The following GABRG3 variants were observed in gnomAD, a reference collection of about 807,000 sequenced individuals.
GABRG3 encodes gamma-aminobutyric acid type A receptor subunit gamma3, also known as gamma-aminobutyric acid receptor subunit gamma-3.
A neutral mutation model predicts 48.8 loss-of-function variants in GABRG3; 25 were observed. The observed-to-expected ratio is 0.51, with a 90% CI of 0.37 to 0.72. The LOEUF (loss-of-function observed/expected upper bound fraction) is 0.72. Among genes scored for constraint, GABRG3 ranks in the 30% least tolerant of loss-of-function variants. The pLI is 0.00. For missense variants in GABRG3, 394 were observed against 577.9 expected (o/e 0.68, Z 3.26); for synonymous variants, 227 against 217.6 (o/e 1.04, Z -0.38).
chr15:26,999,092 G>A (rs1407859838), intron 2 of GABRG3, among the ~76,000 whole-genome samples: 9 of 148,990 alleles, frequency 6.0e-5, no homozygotes, highest in Non-Finnish European at 7.4e-5. Context: ...CATGGGTTCT[G>A]CATCCATGGA....
intron 3 of GABRG3, among the ~76,000 whole-genome samples, chr15:27,200,263 T>G (rs555285378): frequency 6.6e-6 from 1 of 152,322 alleles, no homozygotes; most frequent in South Asian, 2.1e-4. Flanking sequence ...TTAGTTTATG[T>G]GGGGGCAGGC....
At chr15:27,330,417 T>G (rs1893765168) in intron 5 of GABRG3, among the ~76,000 whole-genome samples, 1 of 152,230 alleles carries the variant, frequency 6.6e-6, no homozygotes, top group African/African-American at 2.4e-5. Flanking sequence ...TCCTCGCAAG[T>G]GTGCGGCCCG....
rs757108321 is a variant in GABRG3, at chr15:27,026,786, G to A, written c.235G>A (p.Val79Ile). ...KPTVIDVDIY[V>I]NSIGPVSSIN... Reference sequence around the variant, plus strand: ...GACCGTAATTGACGTTGACATTTATGTTAACAGCATTGGTCCTGTGTCATC... The same window carrying A: ...GACCGTAATTGACGTTGACATTTATATTAACAGCATTGGTCCTGTGTCATC... The change falls in exon 3 of 10, where the codon GTT (valine) becomes ATT (isoleucine). Residue 79 changes from valine (V) to isoleucine (I), a missense_variant. Transcript: ENST00000615808. 6.2e-7 allele frequency: 1 copy of A among 1,611,684 alleles called. No individual in the cohort carries two copies. Among genetic ancestry groups the A allele is most frequent in the Non-Finnish European group, 8.5e-7 (1 of 1,179,274 alleles).
At chr15:27,416,965 C>G (rs1887957435) in intron 5 of GABRG3, among the ~76,000 whole-genome samples, 1 of 152,158 alleles carries the variant, frequency 6.6e-6, no homozygotes, top group African/African-American at 2.4e-5. Flanking sequence ...TTGGAAATGA[C>G]TTAAATGTTC....
chr15:27,509,014 C>T (rs540725732), intron 6 of GABRG3, among the ~76,000 whole-genome samples: 18 of 152,164 alleles, frequency 1.2e-4, no homozygotes, highest in South Asian at 4.2e-4. Context: ...CCACCGTGCC[C>T]GGCTGAATTC....
chr15:27,093,520 C>T (rs906577967), intron 3 of GABRG3, among the ~76,000 whole-genome samples: 1 of 152,106 alleles, frequency 6.6e-6, no homozygotes, highest in Non-Finnish European at 1.5e-5. Context: ...TACACAAGGC[C>T]CAGTCCTGAG....
intron 3 of GABRG3, among the ~76,000 whole-genome samples, chr15:27,049,634 T>C (rs1896423032): frequency 6.6e-6 from 1 of 152,210 alleles, no homozygotes; most frequent in Non-Finnish European, 1.5e-5. Flanking sequence ...ATTTCCCTTA[T>C]TTGAAGAGCA....
chr15:27,413,829 A>G (rs1887868110), intron 5 of GABRG3, among the ~76,000 whole-genome samples: 1 of 152,210 alleles, frequency 6.6e-6, no homozygotes, highest in Non-Finnish European at 1.5e-5. Flanking sequence ...GAAAGAAGGA[A>G]TGAGATACCA....
Position 27,442,438 on chromosome 15 carries a change from G to A in GABRG3, c.575-38212G>A, listed in dbSNP as rs549390242. On this transcript the variant is annotated intron_variant, in intron 5 of 9. Transcript: ENST00000615808. ...AGAATACACTCCTGTGCACATGTCC[G>A]CCTTATAGCACACACAGATGTGTGC... Among the ~76,000 whole-genome samples the A allele has an allele frequency of 5.6e-4, 85 of 152,238 alleles. 1 individual carries two copies. The highest frequency in any genetic ancestry group is 1.7e-3 in the African/African-American group (72 of 41,530).
At chr15:27,309,089 A>G (rs540614741) in intron 3 of GABRG3, among the ~76,000 whole-genome samples, 26 of 151,400 alleles carry the variant, frequency 1.7e-4, no homozygotes, top group Non-Finnish European at 3.1e-4. Context: ...ATATAGAAAT[A>G]TAATGTAAAC....
At chr15:26,992,044 C>G (rs1895259386) in intron 2 of GABRG3, among the ~76,000 whole-genome samples, 1 of 152,124 alleles carries the variant, frequency 6.6e-6, no homozygotes, top group African/African-American at 2.4e-5. Flanking sequence ...ATATTGTTCA[C>G]TTGGCATATA....
intron 3 of GABRG3, among the ~76,000 whole-genome samples, chr15:27,097,099 G>A (rs1178883821): frequency 6.7e-6 from 1 of 149,616 alleles, no homozygotes; most frequent in Non-Finnish European, 1.5e-5. Flanking sequence ...TGATCCTCCC[G>A]CTTTGGCCTC....
chr15:27,028,255 A>C (rs376976898), intron 3 of GABRG3, among the ~76,000 whole-genome samples: 9 of 152,296 alleles, frequency 5.9e-5, no homozygotes, highest in East Asian at 3.9e-4. Flanking sequence ...CGGATAGGCA[A>C]GAGTGTGCTA....
intron 5 of GABRG3, among the ~76,000 whole-genome samples, chr15:27,337,837 ATC>A (rs1894027424): frequency 6.6e-6 from 1 of 152,170 alleles, no homozygotes; most frequent in Non-Finnish European, 1.5e-5. Flanking sequence ...CATAAACTAA[ATC>A]TCTCACACAC....
chr15:27,297,933 A>G (rs1194622851), intron 3 of GABRG3, among the ~76,000 whole-genome samples: 1 of 151,764 alleles, frequency 6.6e-6, no homozygotes, highest in Admixed American at 6.6e-5. Flanking sequence ...AAAGGGTAAC[A>G]TGTATATTGA....
chr15:27,394,784 T>C (rs1595726626), intron 5 of GABRG3, among the ~76,000 whole-genome samples: 1 of 152,312 alleles, frequency 6.6e-6, no homozygotes, highest in East Asian at 1.9e-4. Context: ...CCATTGCCTT[T>C]TGACTTCCAT....
Position 27,026,806 on chromosome 15 carries a change from G to A in GABRG3, c.255G>A (p.Val85=), listed in dbSNP as rs781059925. 8.1e-6 allele frequency: 13 copies of A among 1,608,654 alleles called. No individual in the cohort carries two copies. In the Admixed American group the frequency reaches 1.9e-4, roughly 23 times the overall value. The change falls in exon 3 of 10, where the codon GTG becomes GTA. Residue 85 remains valine (V), a synonymous_variant. Coordinates refer to ENST00000615808, the MANE Select transcript of GABRG3 (RefSeq NM_033223.5). ...VDIYVNSIGP[V]SSINMEYQID... is the part of the protein sequence containing the mutation. The stretch of plus-strand genomic sequence containing the variant: ...TTTATGTTAACAGCATTGGTCCTGT[G>A]TCATCAATAAACATGGTAAGAAGCT...
intron 3 of GABRG3, among the ~76,000 whole-genome samples, chr15:27,306,663 TG>T (rs1892496807): frequency 1.5e-5 from 1 of 65,010 alleles, no homozygotes; most frequent in Non-Finnish European, 3.6e-5. Flanking sequence ...TATATGAACA[TG>T]TTTATATATA....
In GABRG3 at chr15:27,137,953, C is replaced by T. The variant is rs139117724; in HGVS notation, c.270+111132C>T. 3.0e-4 allele frequency among the ~76,000 whole-genome samples: 46 copies of T among 152,238 alleles called. No homozygotes were observed. The East Asian group carries it at 6.7e-3, about 22-fold the overall frequency. On this transcript the variant is annotated intron_variant, in intron 3 of 9. Coordinates refer to ENST00000615808, the MANE Select transcript of GABRG3 (RefSeq NM_033223.5). ...TTTGTTAGGATTTGACACCCATGCACCCATCAAAGAAGGTGGTGCAACAGC... is the reference window on the plus strand; with the variant it reads ...TTTGTTAGGATTTGACACCCATGCATCCATCAAAGAAGGTGGTGCAACAGC...
Sources: gnomAD v4.1 joint callset for allele counts (sites outside exome capture counted in the v4.1 genomes callset) on GRCh38, gnomAD v4.1.1 for gene constraint, MANE v1.5 for transcripts, NCBI Gene and HGNC (gene_info 2026-07-23, HGNC 2026-07-21) for gene names.